The following AGAP1 variants were observed in gnomAD, a reference collection of about 807,000 sequenced individuals.
AGAP1 encodes ArfGAP with GTPase domain, ankyrin repeat and PH domain 1.
Under a neutral mutation model 105.3 loss-of-function variants are expected in AGAP1, and 29 were observed. That is an observed-to-expected ratio of 0.28 (90% CI 0.21 to 0.38). The LOEUF (loss-of-function observed/expected upper bound fraction) is 0.38, where lower values mean the gene tolerates loss of function less well. AGAP1 is among the 10% of genes least tolerant of loss of function. The pLI, the probability that AGAP1 is intolerant of heterozygous loss-of-function variation, is 1.00. For synonymous variants in AGAP1, 509 were observed against 485.9 expected, an observed-to-expected ratio of 1.05 and a Z score of -0.63; for missense variants, 998 against 1,165.1, an observed-to-expected ratio of 0.86 and a Z score of 2.09.
chr2:236,112,416 G>GCAA (rs2059671163), intron 16 of AGAP1, among the ~76,000 whole-genome samples: 1 of 133,870 alleles, frequency 7.5e-6, no homozygotes, highest in African/African-American at 2.5e-5. Flanking sequence ...ATTCCATCTC[G>GCAA]AAAAAAAAAA....
rs765059957 is a variant in AGAP1, at chr2:235,700,668, C to T, written c.164-8511C>T. 2.3e-4 allele frequency among the ~76,000 whole-genome samples: 35 copies of T among 151,830 alleles called. No individual in the cohort carries two copies. Among genetic ancestry groups the T allele is most frequent in the Non-Finnish European group, 4.0e-4 (27 of 67,986 alleles). The stretch of plus-strand genomic sequence containing the variant: ...TACAAAAATTAGCCAGGCATGGTAG[C>T]GCGTGCCTGTAGTCCCAGCTACTCA... On this transcript the variant is annotated intron_variant, in intron 1 of 17. Coordinates refer to ENST00000304032, the MANE Select transcript of AGAP1 (RefSeq NM_001037131.3). The surrounding 1 kb of genome is among the most constrained non-coding windows in gnomAD (Gnocchi z 6.1).
chr2:235,752,898 C>T lies in AGAP1; in HGVS notation c.673+2410C>T, dbSNP rs184716661. ...AACAGACTTTTACTTGTCCTACTTA[C>T]GGAGGATGGGAGTCCAGGGCCAGGT... is the stretch of plus-strand genomic sequence containing the variant. On this transcript the variant is annotated intron_variant, in intron 6 of 17. Transcript: ENST00000304032. This position sits in a 1 kb window ranked among gnomAD's most constrained non-coding sequence, Gnocchi z 4.3. 3.3e-5 allele frequency among the ~76,000 whole-genome samples: 5 copies of T among 152,260 alleles called. No individual in the cohort carries two copies. The highest frequency in any genetic ancestry group is 6.5e-5 in the Admixed American group (1 of 15,288).
At chr2:235,508,117 T>C (rs1333076558) in intron 1 of AGAP1, among the ~76,000 whole-genome samples, 1 of 152,178 alleles carries the variant, frequency 6.6e-6, no homozygotes, top group East Asian at 1.9e-4. Context: ...GTGATCTCAT[T>C]CTTTTTATTA....
chr2:236,077,903 A>G (rs2058682570), intron 16 of AGAP1, among the ~76,000 whole-genome samples: 2 of 152,136 alleles, frequency 1.3e-5, no homozygotes, highest in Non-Finnish European at 1.5e-5. Context: ...CTCTGTGTAC[A>G]TCTGTTCTTT....
chr2:235,621,497 C>T lies in AGAP1; in HGVS notation c.164-87682C>T, dbSNP rs1303306898. ...GTTGGCACCATTCTTACCTCCTATA[C>T]CTACGAGGCTGTCATGTGAATGTGT... is the stretch of plus-strand genomic sequence containing the variant. On this transcript the variant is annotated intron_variant, in intron 1 of 17. Transcript: ENST00000304032. The surrounding 1 kb of genome is among the most constrained non-coding windows in gnomAD (Gnocchi z 4.1). Among the ~76,000 whole-genome samples, 1 of 152,174 alleles carries T rather than the reference C, an allele frequency of 6.6e-6. No homozygotes were observed. The highest frequency in any genetic ancestry group is 1.5e-5 in the Non-Finnish European group (1 of 68,038).
At chr2:235,880,275 C>T (rs998735565) in intron 9 of AGAP1, among the ~76,000 whole-genome samples, 4 of 152,056 alleles carry the variant, frequency 2.6e-5, no homozygotes, top group South Asian at 4.2e-4. Context: ...ACCTCCCACA[C>T]GCCAGCCAGA....
intron 1 of AGAP1, among the ~76,000 whole-genome samples, chr2:235,698,620 A>C (rs1950111200): frequency 6.6e-6 from 1 of 152,174 alleles, no homozygotes; most frequent in African/African-American, 2.4e-5. Context: ...GTCTTATATG[A>C]AATGTAGGAT....
Position 235,845,682 on chromosome 2 carries a change from C to T in AGAP1, c.1051-37663C>T, listed in dbSNP as rs148196194. 8.5e-4 allele frequency among the ~76,000 whole-genome samples: 129 copies of T among 152,126 alleles called. No homozygotes were observed. The highest frequency in any genetic ancestry group is 1.5e-3 in the Non-Finnish European group (99 of 67,994). On this transcript the variant is annotated intron_variant, in intron 9 of 17. Transcript: ENST00000304032. The surrounding 1 kb of genome is among the most constrained non-coding windows in gnomAD (Gnocchi z 4.8). ...GCTTGTCTTTGCCTCTCGGTGACAT[C>T]CACGGAGTCACCCAAGTCACCAGCC...
chr2:236,036,769 G>C lies in AGAP1; in HGVS notation c.1800+54G>C. 1.2e-6 allele frequency: 2 copies of C among 1,603,978 alleles called. No individual in the cohort carries two copies. Among genetic ancestry groups the C allele is most frequent in the Non-Finnish European group, 1.7e-6 (2 of 1,176,444 alleles). ...GCTGGGGCTGCTCAGGGGGAGTGCGGGCCCCAAGTAATGCCCCAGGGAGGA... is the reference window on the plus strand; with the variant it reads ...GCTGGGGCTGCTCAGGGGGAGTGCGCGCCCCAAGTAATGCCCCAGGGAGGA... On this transcript the variant is annotated intron_variant, in intron 14 of 17. Coordinates refer to ENST00000304032, the MANE Select transcript of AGAP1 (RefSeq NM_001037131.3). The surrounding 1 kb of genome is among the most constrained non-coding windows in gnomAD (Gnocchi z 5.7).
At position 235,971,236 on chromosome 2, in the gene AGAP1, C is replaced by T. The variant is rs191874546; in HGVS notation, c.1645+2613C>T. 2.6e-5 allele frequency among the ~76,000 whole-genome samples: 4 copies of T among 152,254 alleles called. No homozygotes were observed. In the East Asian group the frequency reaches 7.7e-4, roughly 29 times the overall value. ...TACTTATCAGACTACAAATGAGTCACTTTTGTGAAAAAGTCTATATTTCAT... is the reference window on the plus strand; with the variant it reads ...TACTTATCAGACTACAAATGAGTCATTTTTGTGAAAAAGTCTATATTTCAT... On this transcript the variant is annotated intron_variant, in intron 13 of 17. Transcript: ENST00000304032. The surrounding 1 kb of genome is among the most constrained non-coding windows in gnomAD (Gnocchi z 4.8).
chr2:235,952,095 A>G (rs78938033), intron 12 of AGAP1, among the ~76,000 whole-genome samples: 2,528 of 152,330 alleles, frequency 0.017, 77 homozygotes, highest in African/African-American at 0.058. Flanking sequence ...TTCAGTGCAC[A>G]GATAACCTCA....
At chr2:236,065,841 T>C (rs987189429) in intron 16 of AGAP1, among the ~76,000 whole-genome samples, 1 of 152,224 alleles carries the variant, frequency 6.6e-6, no homozygotes, top group Non-Finnish European at 1.5e-5. Context: ...CCAGAGTCCT[T>C]CCTTCTGTCC....
chr2:235,530,209 A>C (rs1234367139), intron 1 of AGAP1, among the ~76,000 whole-genome samples: 1 of 152,196 alleles, frequency 6.6e-6, no homozygotes. Flanking sequence ...GCTGCTGCAG[A>C]GGCTGAGCTC....
chr2:236,121,217 G>A lies in AGAP1; in HGVS notation c.2370+770G>A, dbSNP rs1012948737. 6.6e-6 allele frequency among the ~76,000 whole-genome samples: 1 copy of A among 152,254 alleles called. No homozygotes were observed. The highest frequency in any genetic ancestry group is 1.5e-5 in the Non-Finnish European group (1 of 68,040). ...TCTTCTGTCTCCACCCGCAAGGCAG[G>A]ATGGGTCAGTCCAGCACAGCAGCAC... is the stretch of plus-strand genomic sequence containing the variant. On this transcript the variant is annotated intron_variant, in intron 17 of 17. Coordinates refer to ENST00000304032, the MANE Select transcript of AGAP1 (RefSeq NM_001037131.3). The surrounding 1 kb of genome is among the most constrained non-coding windows in gnomAD (Gnocchi z 4.9).
In AGAP1 at chr2:235,824,139, G is replaced by A. The variant is rs1362640787; in HGVS notation, c.1050+16808G>A. ...ATTCAGGCACAGGACTACACCCAGG[G>A]ACTACTGCAGAAACGTTTTCTAAAT... On this transcript the variant is annotated intron_variant, in intron 9 of 17. Transcript: ENST00000304032. This position sits in a 1 kb window ranked among gnomAD's most constrained non-coding sequence, Gnocchi z 5.2. Among the ~76,000 whole-genome samples, 1 of 152,210 alleles carries A rather than the reference G, an allele frequency of 6.6e-6. No homozygotes were observed. The highest frequency in any genetic ancestry group is 1.5e-5 in the Non-Finnish European group (1 of 68,050).
In AGAP1 at chr2:235,793,583, G is replaced by A. The variant is rs1957103261; in HGVS notation, c.674-4176G>A. ...TTTTTCTCACCTGCAAAATGAAAGA[G>A]CTGACAGGATGAAATGAGTTAATAG... is the stretch of plus-strand genomic sequence containing the variant. On this transcript the variant is annotated intron_variant, in intron 6 of 17. Transcript: ENST00000304032. The surrounding 1 kb of genome is among the most constrained non-coding windows in gnomAD (Gnocchi z 5.3). Among the ~76,000 whole-genome samples the A allele has an allele frequency of 6.6e-6, 1 of 152,152 alleles. No individual in the cohort carries two copies. The highest frequency in any genetic ancestry group is 2.1e-4 in the South Asian group (1 of 4,822).
intron 1 of AGAP1, among the ~76,000 whole-genome samples, chr2:235,572,988 C>G (rs1944584900): frequency 4.2e-5 from 1 of 23,828 alleles, no homozygotes; most frequent in Admixed American, 3.9e-4. Flanking sequence ...TCTTCTTCTT[C>G]TTCTTCTTCT....
At chr2:235,629,268 T>G (rs1055553642) in intron 1 of AGAP1, among the ~76,000 whole-genome samples, 44 of 135,816 alleles carry the variant, frequency 3.2e-4, no homozygotes, top group African/African-American at 1.2e-3. Context: ...GTAGTAGTCA[T>G]TGTGTGTGTG....
intron 1 of AGAP1, among the ~76,000 whole-genome samples, chr2:235,520,862 G>A (rs1365088207): frequency 4.6e-5 from 7 of 152,130 alleles, no homozygotes; most frequent in African/African-American, 9.7e-5. Flanking sequence ...GGTGCATTGC[G>A]GTGAAAGCTG....
Sources: gnomAD v4.1 joint callset for allele counts (sites outside exome capture counted in the v4.1 genomes callset) on GRCh38, gnomAD v4.1.1 for gene constraint, Gnocchi (gnomAD v3.1) non-coding constraint, MANE v1.5 for transcripts, NCBI Gene and HGNC (gene_info 2026-07-23, HGNC 2026-07-21) for gene names.